Variants in CROT observed in about 807,000 individuals in gnomAD.
CROT encodes the protein carnitine O-octanoyltransferase.
Under a neutral mutation model 89.2 loss-of-function variants are expected in CROT, and 84 were observed. The observed-to-expected ratio is 0.94, with a 90% CI of 0.79 to 1.13. CROT has a LOEUF of 1.13. CROT is among the 50% of genes most tolerant of loss of function. The pLI is 0.00. For missense variants in CROT, 711 were observed against 727.8 expected (o/e 0.98, Z 0.27); for synonymous variants, 212 against 239.5 (o/e 0.89, Z 1.06).
At chr7:87,394,995 A>G (rs1448870859) in intron 17 of CROT, among the ~76,000 whole-genome samples, 3 of 152,126 alleles carry the variant, frequency 2.0e-5, no homozygotes, top group Non-Finnish European at 4.4e-5. Flanking sequence ...CTGAAAAAAA[A>G]AATGCCACAA....
intron 10 of CROT, among the ~76,000 whole-genome samples, chr7:87,380,816 T>C (rs1240639259): frequency 6.6e-6 from 1 of 152,206 alleles, no homozygotes; most frequent in Non-Finnish European, 1.5e-5. Flanking sequence ...AAACAATATA[T>C]TTGATAATAT....
intron 3 of CROT, 124 bp from the exon 4 acceptor site, chr7:87,359,082 C>G (rs1168779727): frequency 1.5e-6 from 1 of 685,694 alleles, no homozygotes; most frequent in African/African-American, 1.9e-5. Context: ...TTGTTCTGCT[C>G]TGCTATTTAA....
chr7:87,374,299 T>C (rs560562249), intron 7 of CROT, among the ~76,000 whole-genome samples: 60 of 152,206 alleles, frequency 3.9e-4, no homozygotes, highest in African/African-American at 1.4e-3. Flanking sequence ...GACCTTTTAT[T>C]ATCAAACTTA....
chr7:87,367,104 T>C lies in CROT; in HGVS notation c.548-2272T>C, dbSNP rs181453805. ...TTTCTAATCCCTGAAATTGTTAATA[T>C]GTTAGGTTACATGGTAAAGAGGAAT... is the stretch of plus-strand genomic sequence containing the variant. On this transcript the variant is annotated intron_variant, in intron 6 of 17. Coordinates refer to ENST00000331536, the MANE Select transcript of CROT (RefSeq NM_021151.4). 4.6e-5 allele frequency among the ~76,000 whole-genome samples: 7 copies of C among 152,302 alleles called. No individual in the cohort carries two copies. The East Asian group carries it at 9.6e-4, about 21-fold the overall frequency.
In CROT at chr7:87,386,617, T is replaced by C. The variant is rs31638; in HGVS notation, c.1301+4074T>C. Among the ~76,000 whole-genome samples, 1,311 of 152,278 alleles carry C rather than the reference T, an allele frequency of 8.6e-3. 32 individuals carry two copies. The highest frequency in any genetic ancestry group is 0.03 in the African/African-American group (1,238 of 41,552). ...TCAAAAAATTGACTTTTGGAGCTCT[T>C]GTAAAAGTTCAGATTGCTTACTGTT... On this transcript the variant is annotated intron_variant, in intron 13 of 17. Coordinates refer to ENST00000331536, the MANE Select transcript of CROT (RefSeq NM_021151.4).
chr7:87,350,388 G>A lies in CROT; in HGVS notation c.115+1205G>A, dbSNP rs149858447. Among the ~76,000 whole-genome samples the A allele has an allele frequency of 1.8e-3, 269 of 152,270 alleles. 1 individual carries two copies. The highest frequency in any genetic ancestry group is 2.2e-3 in the Non-Finnish European group (149 of 68,022). On this transcript the variant is annotated intron_variant, in intron 3 of 17. Transcript: ENST00000331536. ...CCTGTCAGAAGTGTGATAGCCTGAT[G>A]AGTGTCATTGAAAGCCGCACCAGTA...
At chr7:87,382,286 A>T in intron 12 of CROT, 105 bp downstream of exon 12, 5 of 1,413,838 alleles carry the variant, frequency 3.5e-6, no homozygotes, top group Non-Finnish European at 4.9e-6. Context: ...ACATTTTAAA[A>T]TTATGCCTTT....
At chr7:87,395,729 A>G (rs961088660) in intron 17 of CROT, among the ~76,000 whole-genome samples, 3 of 152,124 alleles carry the variant, frequency 2.0e-5, no homozygotes, top group African/African-American at 7.2e-5. Context: ...TTGATTTTGG[A>G]CAGTGACCCT....
In CROT at chr7:87,375,683, G is replaced by A; in HGVS notation, c.708G>A (p.Gly236=). Residue 236 remains glycine (G), a synonymous_variant, in exon 8 of 18, where the codon GGG becomes GGA. Coordinates refer to ENST00000331536, the MANE Select transcript of CROT (RefSeq NM_021151.4). ...GCCATAGTGAACCTGATGGACCTGG[G>A]ATTGCAGCATTAACTAGTGAGGAGC... ...KKCHSEPDGP[G]IAALTSEERT... is the part of the protein sequence containing the mutation. The A allele has an allele frequency of 6.2e-7, 1 of 1,613,608 alleles. No homozygotes were observed. Among genetic ancestry groups the A allele is most frequent in the Non-Finnish European group, 8.5e-7 (1 of 1,179,584 alleles).
In CROT at chr7:87,347,777, T is replaced by C. The variant is rs923899630; in HGVS notation, c.-21-1271T>C. On this transcript the variant is annotated intron_variant, in intron 2 of 17. Coordinates refer to ENST00000331536, the MANE Select transcript of CROT (RefSeq NM_021151.4). ...TGCAATCCTGCATATATGACTTCCATAAATGAGGCCATGGTGCTGTTTAGT... is the reference window on the plus strand; with the variant it reads ...TGCAATCCTGCATATATGACTTCCACAAATGAGGCCATGGTGCTGTTTAGT... 2.8e-4 allele frequency among the ~76,000 whole-genome samples: 42 copies of C among 152,066 alleles called. 1 individual carries two copies. Among genetic ancestry groups the C allele is most frequent in the Non-Finnish European group, 4.3e-4 (29 of 68,010 alleles).
intron 17 of CROT, among the ~76,000 whole-genome samples, chr7:87,395,758 G>A (rs1205191743): frequency 6.6e-6 from 1 of 152,082 alleles, no homozygotes; most frequent in Non-Finnish European, 1.5e-5. Context: ...AGAACCCCAT[G>A]ATTTAAACAC....
At chr7:87,357,007 G>A (rs1418315026) in intron 3 of CROT, among the ~76,000 whole-genome samples, 7 of 152,286 alleles carry the variant, frequency 4.6e-5, no homozygotes, top group Non-Finnish European at 5.9e-5. Flanking sequence ...GGGTGATAGA[G>A]CGAGACTCTG....
intron 1 of CROT, 27 bp downstream of exon 1, chr7:87,345,794 C>A: frequency 4.0e-6 from 1 of 252,112 alleles, no homozygotes; most frequent in Non-Finnish European, 7.4e-6. Flanking sequence ...TTCCCTCCCT[C>A]CCCTAATCCT....
At chr7:87,361,930 A>C in intron 6 of CROT, 78 bp downstream of exon 6, 2 of 1,274,678 alleles carry the variant, frequency 1.6e-6, no homozygotes, top group Non-Finnish European at 2.1e-6. Flanking sequence ...TGGAACATAC[A>C]CTTTTGAAGA....
chr7:87,368,205 A>G (rs1806510933), intron 6 of CROT, among the ~76,000 whole-genome samples: 1 of 152,166 alleles, frequency 6.6e-6, no homozygotes, highest in Admixed American at 6.6e-5. Flanking sequence ...TACATGGCGT[A>G]CTTTCTCACT....
At chr7:87,390,265 G>A (rs925727358) in intron 13 of CROT, among the ~76,000 whole-genome samples, 43 of 152,174 alleles carry the variant, frequency 2.8e-4, no homozygotes, top group African/African-American at 9.4e-4. Context: ...TTAAGAGTGT[G>A]TTTACTTGTC....
chr7:87,351,860 A>G (rs1459671753), intron 3 of CROT, among the ~76,000 whole-genome samples: 4 of 152,200 alleles, frequency 2.6e-5, no homozygotes, highest in Non-Finnish European at 5.9e-5. Context: ...TGAACAGCAG[A>G]GTTATGAATA....
intron 13 of CROT, among the ~76,000 whole-genome samples, chr7:87,387,999 A>G (rs1208221695): frequency 1.3e-5 from 2 of 152,172 alleles, no homozygotes; most frequent in East Asian, 3.8e-4. Context: ...CTGTGTCCAC[A>G]GTCAAATGCA....
intron 14 of CROT, 61 bp from the exon 15 acceptor site, chr7:87,392,504 AT>A: frequency 1.5e-6 from 2 of 1,328,188 alleles, no homozygotes; most frequent in Non-Finnish European, 2.1e-6. Flanking sequence ...TGAGCTTAGG[AT>A]TTTTTTCTAG....
Sources: allele counts gnomAD v4.1 joint callset (sites outside exome capture counted in the v4.1 genomes callset), GRCh38; gene constraint gnomAD v4.1.1; transcripts MANE v1.5; gene names NCBI Gene and HGNC (gene_info 2026-07-23, HGNC 2026-07-21).